Variants in CHRM3 observed in about 807,000 individuals in gnomAD.
CHRM3 encodes the protein muscarinic acetylcholine receptor M3.
CHRM3 carries 11 observed loss-of-function variants against 41.8 expected under a neutral mutation model. The observed-to-expected ratio is 0.26, with a 90% confidence interval of 0.17 to 0.44. The LOEUF is 0.44. CHRM3 is among the 20% of genes least tolerant of loss of function. The pLI is 1.00. For synonymous variants in CHRM3, 297 were observed against 301.4 expected (o/e 0.99, Z 0.15); for missense variants, 571 against 745.4 (o/e 0.77, Z 2.72).
intron 2 of CHRM3, among the ~76,000 whole-genome samples, chr1:239,519,810 C>T (rs1167595477): frequency 7.6e-6 from 1 of 131,080 alleles, no homozygotes; most frequent in Non-Finnish European, 1.6e-5. Flanking sequence ...TGCAGTGGCA[C>T]GATCTTGGCT....
intron 2 of CHRM3, among the ~76,000 whole-genome samples, chr1:239,532,930 A>G (rs1657797869): frequency 6.6e-6 from 1 of 152,022 alleles, no homozygotes; most frequent in Non-Finnish European, 1.5e-5. Flanking sequence ...TTTTTTTTCT[A>G]TTTTTTGCAA....
chr1:239,623,356 T>C (rs1668619356), intron 3 of CHRM3, among the ~76,000 whole-genome samples: 2 of 148,876 alleles, frequency 1.3e-5, no homozygotes, highest in African/African-American at 2.5e-5. Flanking sequence ...AGTAAGAACA[T>C]GCAGTGTTTG....
chr1:239,843,243 C>A (rs1028620105), intron 6 of CHRM3, among the ~76,000 whole-genome samples: 2 of 152,116 alleles, frequency 1.3e-5, no homozygotes, highest in Non-Finnish European at 2.9e-5. Flanking sequence ...TACCAAACAT[C>A]TGCCCATTCT....
At chr1:239,893,733 TAAAA>T (rs5782109) in intron 6 of CHRM3, among the ~76,000 whole-genome samples, 25 of 128,626 alleles carry the variant, frequency 1.9e-4, no homozygotes, top group Admixed American at 3.9e-4. Context: ...TTTGAAATCA[TAAAA>T]AAAAAAAAAA....
intron 5 of CHRM3, among the ~76,000 whole-genome samples, chr1:239,799,136 TAAAAAG>T (rs1307842343): frequency 1.3e-5 from 2 of 152,112 alleles, no homozygotes; most frequent in African/African-American, 4.8e-5. Context: ...GAGAGAATGT[TAAAAAG>T]AGAAAATTGT....
At chr1:239,639,777 C>G (rs1222583372) in intron 4 of CHRM3, among the ~76,000 whole-genome samples, 7 of 149,860 alleles carry the variant, frequency 4.7e-5, no homozygotes, top group Non-Finnish European at 3.0e-5. Context: ...CCTAATTGCC[C>G]TGGCCAGAAC....
intron 5 of CHRM3, chr1:239,704,088 A>C (rs1285266888): frequency 6.6e-6 from 1 of 152,168 alleles, no homozygotes; most frequent in Non-Finnish European, 1.5e-5. Context: ...CATTTTAAAG[A>C]AATATTGTTT....
intron 5 of CHRM3, among the ~76,000 whole-genome samples, chr1:239,798,714 G>A (rs1669985275): frequency 6.6e-6 from 1 of 152,132 alleles, no homozygotes; most frequent in Non-Finnish European, 1.5e-5. Flanking sequence ...ACTGACACAG[G>A]GAGAAAGAAA....
chr1:239,535,393 A>G (rs541791679), intron 2 of CHRM3, among the ~76,000 whole-genome samples: 4 of 151,444 alleles, frequency 2.6e-5, no homozygotes, highest in African/African-American at 9.7e-5. Context: ...TATTCCTGCC[A>G]TATTACCAAG....
chr1:239,756,173 C>T (rs1286921164), intron 5 of CHRM3, among the ~76,000 whole-genome samples: 1 of 152,166 alleles, frequency 6.6e-6, no homozygotes, highest in Non-Finnish European at 1.5e-5. Flanking sequence ...CCTAATAATT[C>T]ACTTGATTTT....
intron 1 of CHRM3, among the ~76,000 whole-genome samples, chr1:239,454,981 A>G (rs1664817115): frequency 6.6e-6 from 1 of 152,158 alleles, no homozygotes; most frequent in African/African-American, 2.4e-5. Flanking sequence ...ATACTTGGTA[A>G]TGGTGATATA....
chr1:239,681,375 A>C (rs1658545450), intron 5 of CHRM3, among the ~76,000 whole-genome samples: 1 of 152,234 alleles, frequency 6.6e-6, no homozygotes, highest in Non-Finnish European at 1.5e-5. Flanking sequence ...AGACCTTCAT[A>C]AATTCAAACC....
intron 1 of CHRM3, among the ~76,000 whole-genome samples, chr1:239,394,595 T>C (rs1281016431): frequency 6.6e-6 from 1 of 152,176 alleles, no homozygotes; most frequent in African/African-American, 2.4e-5. Flanking sequence ...AATGAACAAC[T>C]TTTGGCTTTG....
At chr1:239,813,508 A>C (rs1026926896) in intron 5 of CHRM3, among the ~76,000 whole-genome samples, 3 of 152,130 alleles carry the variant, frequency 2.0e-5, no homozygotes, top group Non-Finnish European at 4.4e-5. Context: ...AATTTTTGCA[A>C]ACATTCATCT....
rs1306184480 is a variant in CHRM3, at chr1:239,387,913, T to G, written c.-521+686T>G. On this transcript the variant is annotated intron_variant, in intron 1 of 6. Coordinates refer to ENST00000676153, the MANE Select transcript of CHRM3 (RefSeq NM_001375978.1). The surrounding 1 kb of genome is among the most constrained non-coding windows in gnomAD (Gnocchi z 5.1). ...GGCCGCTGGACTGCACCGGTTCTCC[T>G]CTTTGGAACACTTCCTCAGCATAGC... is the stretch of plus-strand genomic sequence containing the variant. Among the ~76,000 whole-genome samples, 2 of 152,168 alleles carry G rather than the reference T, an allele frequency of 1.3e-5. No individual in the cohort carries two copies. Among genetic ancestry groups the G allele is most frequent in the Non-Finnish European group, 2.9e-5 (2 of 68,028 alleles).
At chr1:239,869,317 G>A (rs578231034) in intron 6 of CHRM3, among the ~76,000 whole-genome samples, 2 of 150,086 alleles carry the variant, frequency 1.3e-5, no homozygotes, top group South Asian at 2.2e-4. Context: ...AAATGATGAA[G>A]GAAGGCAAGT....
chr1:239,738,367 G>A lies in CHRM3; in HGVS notation c.-147+60079G>A, dbSNP rs114752027. On this transcript the variant is annotated intron_variant, in intron 5 of 6. Coordinates refer to ENST00000676153, the MANE Select transcript of CHRM3 (RefSeq NM_001375978.1). ...CTCAGCTCTTCAGCACCAGTGCCCT[G>A]TCGGGAGAGCCCTGGCTTGCAGTCA... Among the ~76,000 whole-genome samples the A allele has an allele frequency of 6.6e-3, 999 of 152,286 alleles. 12 individuals are homozygous for A. The highest frequency in any genetic ancestry group is 0.023 in the African/African-American group (960 of 41,556).
chr1:239,432,707 CTAATT>C (rs916915193), intron 1 of CHRM3, among the ~76,000 whole-genome samples: 7 of 152,122 alleles, frequency 4.6e-5, no homozygotes, highest in South Asian at 2.1e-4. Flanking sequence ...ATTTAGTAAA[CTAATT>C]TAAGGAGAAG....
chr1:239,739,214 T>A (rs10925964), intron 5 of CHRM3, among the ~76,000 whole-genome samples: 56,384 of 152,028 alleles, frequency 0.37, 11,300 homozygotes, highest in Middle Eastern at 0.49. Flanking sequence ...AAAAATGCAT[T>A]GCCCAGTTCT....
Sources: gnomAD v4.1 joint callset for allele counts (sites outside exome capture counted in the v4.1 genomes callset) on GRCh38, gnomAD v4.1.1 for gene constraint, Gnocchi (gnomAD v3.1) non-coding constraint, MANE v1.5 for transcripts, NCBI Gene and HGNC (gene_info 2026-07-23, HGNC 2026-07-21) for gene names.